SPMIP2: variants seen among roughly 807,000 people sequenced by gnomAD.
SPMIP2 encodes the protein sperm microtubule inner protein 2, also known as protein SPMIP2.
chr4:158,897,303 C>T, the SPMIP2 span, among the ~76,000 whole-genome samples: 1 of 152,176 alleles, frequency 6.6e-6, no homozygotes, highest in African/African-American at 2.4e-5. Flanking sequence ...AGTAAACATA[C>T]ATGTGCGTGT....
At chr4:158,907,925 GT>G in the SPMIP2 span, 1 of 152,118 alleles carries the variant, frequency 6.6e-6, no homozygotes, top group Non-Finnish European at 1.5e-5. Context: ...ATAGGACTTC[GT>G]TTTTGATCAG....
the SPMIP2 span, among the ~76,000 whole-genome samples, chr4:158,919,999 T>A: frequency 6.6e-6 from 1 of 152,034 alleles, no homozygotes; most frequent in Non-Finnish European, 1.5e-5. Context: ...GTTGCAGGGG[T>A]TCTAATCATT....
At chr4:159,078,206 AT>A in the SPMIP2 span, among the ~76,000 whole-genome samples, 1 of 152,170 alleles carries the variant, frequency 6.6e-6, no homozygotes, top group Non-Finnish European at 1.5e-5. Flanking sequence ...TGTATTATGT[AT>A]TTTACGTCAT....
the SPMIP2 span, among the ~76,000 whole-genome samples, chr4:158,954,845 C>T: frequency 1.3e-5 from 2 of 152,172 alleles, no homozygotes; most frequent in African/African-American, 4.8e-5. Flanking sequence ...ATCCATTCAC[C>T]TCTTAGAGAA....
At chr4:158,974,902 T>G in the SPMIP2 span, among the ~76,000 whole-genome samples, 38 of 152,306 alleles carry the variant, frequency 2.5e-4, 1 homozygote, top group South Asian at 3.5e-3. Context: ...CCACAATACT[T>G]GAGCTAATTT....
At chr4:159,014,465 A>G in the SPMIP2 span, among the ~76,000 whole-genome samples, 8 of 152,180 alleles carry the variant, frequency 5.3e-5, no homozygotes, top group Non-Finnish European at 1.2e-4. Context: ...AAAAAATTGC[A>G]GCCCCAAATG....
the SPMIP2 span, chr4:159,026,343 AACT>A: frequency 1.5e-6 from 1 of 663,822 alleles, no homozygotes; most frequent in Non-Finnish European, 2.8e-6. Context: ...AGTTTGAAGA[AACT>A]ACAGCTCATA....
At chr4:159,070,675 G>A in the SPMIP2 span, among the ~76,000 whole-genome samples, 2 of 152,252 alleles carry the variant, frequency 1.3e-5, 1 homozygote, top group South Asian at 4.1e-4. Context: ...TTATTAGATT[G>A]TCCTCAATAT....
the SPMIP2 span, among the ~76,000 whole-genome samples, chr4:158,972,698 G>A: frequency 1.4e-4 from 21 of 152,346 alleles, no homozygotes; most frequent in Admixed American, 1.2e-3. Flanking sequence ...TGAGATGCAC[G>A]TGTTAGGTTT....
At chr4:159,004,282 CTG>C in the SPMIP2 span, among the ~76,000 whole-genome samples, 7 of 99,834 alleles carry the variant, frequency 7.0e-5, no homozygotes, top group South Asian at 7.3e-4. Flanking sequence ...TGAAGCTACT[CTG>C]TGCTCTTTTT....
chr4:159,016,514 T>A, the SPMIP2 span, among the ~76,000 whole-genome samples: 1 of 152,198 alleles, frequency 6.6e-6, no homozygotes, highest in South Asian at 2.1e-4. Flanking sequence ...TAGCTCCCAA[T>A]TTTCTAGTTA....
At chr4:159,075,247 C>T in the SPMIP2 span, among the ~76,000 whole-genome samples, 1 of 152,114 alleles carries the variant, frequency 6.6e-6, no homozygotes, top group Non-Finnish European at 1.5e-5. Flanking sequence ...GACAGATACA[C>T]ATGCATATAC....
At chr4:159,025,514 A>C in the SPMIP2 span, among the ~76,000 whole-genome samples, 4 of 152,162 alleles carry the variant, frequency 2.6e-5, no homozygotes, top group Non-Finnish European at 5.9e-5. Flanking sequence ...TTCCACATTA[A>C]AGTTTTAAAA....
the SPMIP2 span, among the ~76,000 whole-genome samples, chr4:159,075,789 C>CT: frequency 0.33 from 47,204 of 145,146 alleles, 8,790 homozygotes; most frequent in African/African-American, 0.53. Context: ...TTTGACTCAT[C>CT]TTTTTTTTTT....
chr4:158,897,759 TGGCAAAAATTTTCTC>T, the SPMIP2 span, among the ~76,000 whole-genome samples: 1 of 152,234 alleles, frequency 6.6e-6, no homozygotes, highest in East Asian at 1.9e-4. Context: ...GATGGGAAGA[TGGCAAAAATTTTCTC>T]CCATTCTGTA....
At chr4:158,975,553 G>A in the SPMIP2 span, among the ~76,000 whole-genome samples, 1 of 152,166 alleles carries the variant, frequency 6.6e-6, no homozygotes. Flanking sequence ...TATTAAATAG[G>A]GAATCCTTTC....
chr4:158,982,205 G>A, the SPMIP2 span, among the ~76,000 whole-genome samples: 2 of 152,120 alleles, frequency 1.3e-5, no homozygotes, highest in African/African-American at 4.8e-5. Context: ...CAATACAGGA[G>A]CACCCAGATT....
the SPMIP2 span, among the ~76,000 whole-genome samples, chr4:159,060,443 A>G: frequency 6.6e-6 from 1 of 152,200 alleles, no homozygotes; most frequent in Admixed American, 6.5e-5. Flanking sequence ...GTGGAGTCAG[A>G]AAACAGAAGT....
chr4:158,989,506 C>T, the SPMIP2 span, among the ~76,000 whole-genome samples: 1 of 152,160 alleles, frequency 6.6e-6, no homozygotes, highest in Non-Finnish European at 1.5e-5. Flanking sequence ...GTAACCAAAA[C>T]AGCATGGTAC....
Sources: gnomAD v4.1 joint callset for allele counts (sites outside exome capture counted in the v4.1 genomes callset) on GRCh38, gnomAD v4.1.1 for gene constraint, MANE v1.5 for transcripts, NCBI Gene and HGNC (gene_info 2026-07-23, HGNC 2026-07-21) for gene names.